The following OSBPL1A variants were observed in gnomAD, a reference collection of about 807,000 sequenced individuals.
OSBPL1A encodes oxysterol-binding protein-related protein 1.
A neutral mutation model predicts 137.1 loss-of-function variants in OSBPL1A; 80 were observed. That is an observed-to-expected ratio of 0.58 (90% CI 0.49 to 0.70). The LOEUF (loss-of-function observed/expected upper bound fraction) is 0.70. OSBPL1A is among the 30% of genes least tolerant of loss of function. The pLI, the probability that OSBPL1A is intolerant of heterozygous loss-of-function variation, is 0.00. For missense variants in OSBPL1A, 970 were observed against 1,129.4 expected (o/e 0.86, Z 2.02); for synonymous variants, 365 against 389.7 (o/e 0.94, Z 0.75).
intron 7 of OSBPL1A, among the ~76,000 whole-genome samples, chr18:24,321,045 AG>A (rs1282186165): frequency 3.6e-5 from 5 of 139,390 alleles, no homozygotes; most frequent in Non-Finnish European, 3.2e-5. Context: ...AAAAAAAAAA[AG>A]AAAAGAAAAG....
chr18:24,279,151 G>A (rs1219936532), intron 15 of OSBPL1A, among the ~76,000 whole-genome samples: 1 of 151,118 alleles, frequency 6.6e-6, no homozygotes, highest in Non-Finnish European at 1.5e-5. Flanking sequence ...ATGGAGGCTC[G>A]TGCCTGTAAT....
chr18:24,255,807 A>G (rs1240712545), intron 15 of OSBPL1A, among the ~76,000 whole-genome samples: 2 of 143,214 alleles, frequency 1.4e-5, no homozygotes, highest in East Asian at 4.1e-4. Context: ...CCCAGGCTGG[A>G]GTGCAGTGGT....
chr18:24,252,481 T>A (rs2089126663), intron 15 of OSBPL1A, among the ~76,000 whole-genome samples: 2 of 151,316 alleles, frequency 1.3e-5, no homozygotes, highest in South Asian at 4.2e-4. Context: ...GCAAAAAATA[T>A]CCTTCAAACA....
chr18:24,330,020 G>A (rs1028352823), intron 7 of OSBPL1A, among the ~76,000 whole-genome samples: 3 of 152,176 alleles, frequency 2.0e-5, no homozygotes, highest in Admixed American at 6.5e-5. Context: ...GTACTTAAAT[G>A]TAACCTGGCT....
chr18:24,368,197 G>T, intron 3 of OSBPL1A, 90 bp downstream of exon 3: 1 of 887,644 alleles, frequency 1.1e-6, no homozygotes, highest in African/African-American at 1.7e-5. Flanking sequence ...AGTCATTATG[G>T]CTCAGGTGGC....
At chr18:24,230,709 C>T (rs1158026918) in intron 16 of OSBPL1A, among the ~76,000 whole-genome samples, 2 of 151,322 alleles carry the variant, frequency 1.3e-5, no homozygotes, top group Non-Finnish European at 2.9e-5. Context: ...TAAACATATA[C>T]GTTTCTATAA....
intron 4 of OSBPL1A, among the ~76,000 whole-genome samples, chr18:24,349,900 T>C (rs904805820): frequency 3.3e-5 from 5 of 152,162 alleles, no homozygotes; most frequent in Admixed American, 6.5e-5. Context: ...ACCTTCAGAA[T>C]TGTGAAATAA....
chr18:24,321,290 A>AT (rs2090850378), intron 7 of OSBPL1A, among the ~76,000 whole-genome samples: 1 of 152,016 alleles, frequency 6.6e-6, no homozygotes, highest in African/African-American at 2.4e-5. Context: ...GGGTGTCCTT[A>AT]TTTTTTACTA....
chr18:24,361,606 A>C (rs1381092064), intron 4 of OSBPL1A, among the ~76,000 whole-genome samples: 2 of 152,218 alleles, frequency 1.3e-5, no homozygotes. Flanking sequence ...TATTTGATCT[A>C]GGTGATTACA....
In OSBPL1A at chr18:24,389,096, GAAGAT is replaced by G. The variant is rs1763392860; in HGVS notation, c.-3+8554_-3+8558del. ...GTCTCTGATGTTTAAGCCAAAAGAA[GAAGAT>G]AAGCATTCCCAAATGCAGCTGGTCA... On this transcript the variant is annotated intron_variant, in intron 1 of 27. Coordinates refer to ENST00000319481, the MANE Select transcript of OSBPL1A (RefSeq NM_080597.4). Among the ~76,000 whole-genome samples the G allele has an allele frequency of 3.3e-5, 5 of 152,260 alleles. No homozygotes were observed. The South Asian group carries it at 1.0e-3, about 32-fold the overall frequency.
chr18:24,175,116 A>ATATATATATATG (rs1567920098), intron 21 of OSBPL1A, among the ~76,000 whole-genome samples: 1 of 32,786 alleles, frequency 3.1e-5, no homozygotes, highest in African/African-American at 6.1e-5. Context: ...ATGTATATAT[A>ATATATATATATG]TATATATATA....
At chr18:24,370,324 C>T (rs1905524427) in intron 2 of OSBPL1A, among the ~76,000 whole-genome samples, 2 of 152,218 alleles carry the variant, frequency 1.3e-5, no homozygotes, top group Admixed American at 6.5e-5. Flanking sequence ...AGCTCTTGTG[C>T]ATGCCTTCTC....
intron 7 of OSBPL1A, among the ~76,000 whole-genome samples, chr18:24,329,547 C>CA (rs369613715): frequency 0.066 from 4,180 of 62,874 alleles, 76 homozygotes; most frequent in Non-Finnish European, 0.076. Context: ...GAAACTCTGT[C>CA]AAAAAAAAAA....
rs1208852494 is a variant in OSBPL1A, at chr18:24,163,091, G to T, written c.*88C>A. 7 of 909,460 alleles carry T rather than the reference G, an allele frequency of 7.7e-6. No homozygotes were observed. Among genetic ancestry groups the T allele is most frequent in the South Asian group, 1.9e-5 (1 of 53,982 alleles). The allele number at this position is 909,460 out of a possible 1,614,324, so 56.3% of individuals were successfully genotyped here. ...TGTTTTTTCATTTTTTTTTTTAAAAGATAAGTAGAAACCAAGGGAAAAAAA... is the reference window on the plus strand; with the variant it reads ...TGTTTTTTCATTTTTTTTTTTAAAATATAAGTAGAAACCAAGGGAAAAAAA... On this transcript the variant is annotated 3_prime_UTR_variant, in exon 28 of 28. Coordinates refer to ENST00000319481, the MANE Select transcript of OSBPL1A (RefSeq NM_080597.4).
rs188058602 is a variant in OSBPL1A at position 24,388,894 on chromosome 18, A to C, written c.-3+8761T>G. Among the ~76,000 whole-genome samples the C allele has an allele frequency of 2.6e-4, 40 of 152,036 alleles. No individual in the cohort carries two copies. The East Asian group carries it at 7.1e-3, about 27-fold the overall frequency. Reference sequence around the variant, plus strand: ...GATTGAGGTTGATAACTACTTTCTTAATTTGATGCATCTTTAATTCGTAAA... The same window carrying C: ...GATTGAGGTTGATAACTACTTTCTTCATTTGATGCATCTTTAATTCGTAAA... On this transcript the variant is annotated intron_variant, in intron 1 of 27. Transcript: ENST00000319481.
chr18:24,266,836 A>G (rs1341786130), intron 15 of OSBPL1A, among the ~76,000 whole-genome samples: 1 of 152,170 alleles, frequency 6.6e-6, no homozygotes, highest in Non-Finnish European at 1.5e-5. Context: ...CGAAATATAC[A>G]ACTAGAAATC....
chr18:24,223,647 A>T (rs1411927854), intron 17 of OSBPL1A, among the ~76,000 whole-genome samples: 4 of 152,176 alleles, frequency 2.6e-5, no homozygotes, highest in African/African-American at 9.6e-5. Flanking sequence ...TGAATATGGT[A>T]TAATATAATT....
At chr18:24,320,580 G>C (rs1299629818) in intron 7 of OSBPL1A, among the ~76,000 whole-genome samples, 1 of 152,148 alleles carries the variant, frequency 6.6e-6, no homozygotes, top group African/African-American at 2.4e-5. Flanking sequence ...GGCACGCAGA[G>C]GCCACATCAC....
intron 15 of OSBPL1A, among the ~76,000 whole-genome samples, chr18:24,259,887 G>T (rs2089399247): frequency 6.6e-6 from 1 of 151,964 alleles, no homozygotes. Context: ...AAAGTAAAAA[G>T]ACAACCCAGG....
Sources: gnomAD v4.1 joint callset for allele counts (sites outside exome capture counted in the v4.1 genomes callset) on GRCh38, gnomAD v4.1.1 for gene constraint, MANE v1.5 for transcripts, NCBI Gene and HGNC (gene_info 2026-07-23, HGNC 2026-07-21) for gene names.